EPM2A: variants seen among roughly 807,000 people sequenced by gnomAD.
EPM2A encodes the protein EPM2A glucan phosphatase, laforin.
In EPM2A, 21 loss-of-function variants were observed where a neutral mutation model predicts 26.5. That is an observed-to-expected ratio of 0.79 (90% CI 0.56 to 1.14). The LOEUF is 1.14. EPM2A is among the 50% of genes most tolerant of loss of function. EPM2A has a pLI of 0.00. For synonymous variants in EPM2A, 217 were observed against 177.6 expected (o/e 1.22, Z -1.76); for missense variants, 458 against 440.8 (o/e 1.04, Z -0.35).
At chr6:145,452,773 G>T (rs932149093) in intron 4 of EPM2A, among the ~76,000 whole-genome samples, 15 of 152,020 alleles carry the variant, frequency 9.9e-5, no homozygotes, top group African/African-American at 3.1e-4. Flanking sequence ...TATTTCTGCA[G>T]AAGTATTGCC....
chr6:145,709,562 G>C (rs189252484), intron 1 of EPM2A, among the ~76,000 whole-genome samples: 1 of 152,290 alleles, frequency 6.6e-6, no homozygotes, highest in East Asian at 1.9e-4. Flanking sequence ...ATGTGGAACT[G>C]TGAGTCAATA....
intron 4 of EPM2A, among the ~76,000 whole-genome samples, chr6:145,464,860 G>A (rs1582775664): frequency 6.6e-6 from 1 of 152,180 alleles, no homozygotes; most frequent in Non-Finnish European, 1.5e-5. Context: ...AGTCTGATGG[G>A]CTTCCCTTTG....
intron 2 of EPM2A, among the ~76,000 whole-genome samples, chr6:145,645,097 G>C (rs1777361784): frequency 6.6e-6 from 1 of 152,168 alleles, no homozygotes; most frequent in Non-Finnish European, 1.5e-5. Flanking sequence ...CCTGTTTGCA[G>C]TTAATTCATC....
At chr6:145,528,781 T>C (rs766690804) in intron 2 of EPM2A, among the ~76,000 whole-genome samples, 7 of 152,104 alleles carry the variant, frequency 4.6e-5, no homozygotes, top group Non-Finnish European at 1.0e-4. Flanking sequence ...ATACATCTCA[T>C]AGAGCTATAG....
intron 2 of EPM2A, among the ~76,000 whole-genome samples, chr6:145,534,980 A>G (rs754227820): frequency 1.1e-4 from 16 of 152,198 alleles, no homozygotes; most frequent in Non-Finnish European, 1.9e-4. Flanking sequence ...CAGGCACATG[A>G]TATTGTGTCA....
intron 1 of EPM2A, among the ~76,000 whole-genome samples, chr6:145,728,843 AG>A (rs1776339221): frequency 6.6e-6 from 1 of 152,202 alleles, no homozygotes; most frequent in Non-Finnish European, 1.5e-5. Context: ...AAGGCCTGGA[AG>A]GCATTTCAGA....
At chr6:145,577,215 T>A (rs973572885) in intron 2 of EPM2A, among the ~76,000 whole-genome samples, 1 of 151,948 alleles carries the variant, frequency 6.6e-6, no homozygotes, top group South Asian at 2.1e-4. Flanking sequence ...GACTAAATTC[T>A]CCAATTAAAA....
chr6:145,614,631 T>C lies in EPM2A; in HGVS notation c.340+20614A>G, dbSNP rs116132542. 2.6e-3 allele frequency among the ~76,000 whole-genome samples: 391 copies of C among 152,274 alleles called. 6 individuals are homozygous for C. The highest frequency in any genetic ancestry group is 9.0e-3 in the African/African-American group (373 of 41,550). ...AACTGGCTTAATTTCAGGATTGTTG[T>C]GTCTTAAGGAATAGGGAGGCCTAAG... On this transcript the variant is annotated intron_variant, in intron 2 of 3. Transcript: ENST00000450221.
downstream of EPM2A, among the ~76,000 whole-genome samples, chr6:145,624,655 A>G (rs554998175): frequency 6.6e-6 from 1 of 152,352 alleles, no homozygotes; most frequent in African/African-American, 2.4e-5. Flanking sequence ...TTTCAGCTTT[A>G]ACTTCTGATC....
intron 2 of EPM2A, among the ~76,000 whole-genome samples, chr6:145,600,128 C>G (rs1200982346): frequency 1.3e-5 from 2 of 152,096 alleles, no homozygotes; most frequent in African/African-American, 4.8e-5. Context: ...TTCATGTGGA[C>G]AGCCATATCA....
At chr6:145,534,839 G>A (rs1780408956) in intron 2 of EPM2A, among the ~76,000 whole-genome samples, 1 of 152,114 alleles carries the variant, frequency 6.6e-6, no homozygotes, top group African/African-American at 2.4e-5. Context: ...GAGACTAAAA[G>A]GCACAATAAG....
intron 1 of EPM2A, among the ~76,000 whole-genome samples, chr6:145,712,608 A>C (rs1211717432): frequency 6.6e-6 from 1 of 152,190 alleles, no homozygotes; most frequent in Non-Finnish European, 1.5e-5. Flanking sequence ...GGAGATTCTC[A>C]AGGCATTTTT....
intron 2 of EPM2A, among the ~76,000 whole-genome samples, chr6:145,609,279 G>A (rs1031886331): frequency 2.6e-5 from 4 of 152,126 alleles, no homozygotes; most frequent in Admixed American, 1.3e-4. Context: ...TAAGTCAGCC[G>A]CCAATAATCT....
At chr6:145,454,617 G>A (rs970636541) in intron 4 of EPM2A, among the ~76,000 whole-genome samples, 10 of 152,274 alleles carry the variant, frequency 6.6e-5, no homozygotes, top group East Asian at 5.8e-4. Flanking sequence ...AAAAATTTTC[G>A]TATTTCACAT....
At chr6:145,660,939 C>T (rs1778656302) in intron 2 of EPM2A, among the ~76,000 whole-genome samples, 1 of 152,044 alleles carries the variant, frequency 6.6e-6, no homozygotes, top group Non-Finnish European at 1.5e-5. Flanking sequence ...ACTTCAATCT[C>T]ATATCGTGGC....
chr6:145,716,576 C>T (rs1048158575), intron 1 of EPM2A, among the ~76,000 whole-genome samples: 1 of 152,092 alleles, frequency 6.6e-6, no homozygotes, highest in African/African-American at 2.4e-5. Flanking sequence ...AAGACCCTAC[C>T]CCTATCCTGG....
intron 4 of EPM2A, among the ~76,000 whole-genome samples, chr6:145,460,513 C>T (rs955421068): frequency 3.3e-5 from 5 of 152,168 alleles, no homozygotes; most frequent in African/African-American, 1.2e-4. Flanking sequence ...GAAAACACCT[C>T]ACACTGGGTT....
intron 2 of EPM2A, among the ~76,000 whole-genome samples, chr6:145,544,111 G>A (rs1253223268): frequency 6.6e-6 from 1 of 152,182 alleles, no homozygotes; most frequent in Non-Finnish European, 1.5e-5. Context: ...GTCTGGCAGA[G>A]GAAAATTCAG....
chr6:145,440,041 A>T (rs1402955999), intron 4 of EPM2A, among the ~76,000 whole-genome samples: 1 of 152,228 alleles, frequency 6.6e-6, no homozygotes, highest in African/African-American at 2.4e-5. Context: ...ATAGTTAGCA[A>T]GTTAGCCCAG....
Sources: gnomAD v4.1 joint callset for allele counts (sites outside exome capture counted in the v4.1 genomes callset) on GRCh38, gnomAD v4.1.1 for gene constraint, MANE v1.5 for transcripts, NCBI Gene and HGNC (gene_info 2026-07-23, HGNC 2026-07-21) for gene names.